The following CLEC19A variants were observed in gnomAD, a reference collection of about 807,000 sequenced individuals.
The protein encoded by CLEC19A is C-type lectin domain family 19 member A.
Under a neutral mutation model 26.1 loss-of-function variants are expected in CLEC19A, and 21 were observed. The observed-to-expected ratio is 0.80, with a 90% CI of 0.57 to 1.16. CLEC19A has a LOEUF of 1.16. CLEC19A is among the 50% of genes most tolerant of loss of function. The pLI is 0.00. For missense variants in CLEC19A, 224 were observed against 227.6 expected (o/e 0.98, Z 0.10); for synonymous variants, 89 against 88.6 (o/e 1.00, Z -0.03).
chr16:19,301,735 GGTTTTTTTTTTTT>G (rs1169446674), intron 2 of CLEC19A, among the ~76,000 whole-genome samples: 20 of 35,140 alleles, frequency 5.7e-4, no homozygotes, highest in African/African-American at 2.2e-3. Flanking sequence ...AGGTTTTTTT[GGTTTTTTTTTTTT>G]TTTTTTTTTT....
At chr16:19,304,987 C>A (rs1203230431) in intron 3 of CLEC19A, 1 of 152,364 alleles carries the variant, frequency 6.6e-6, no homozygotes, top group African/African-American at 2.4e-5. Context: ...TGCACCAGCA[C>A]CATTACCCCT....
intron 2 of CLEC19A, 180 bp from the exon 3 acceptor site, chr16:19,303,882 G>C: frequency 1.8e-6 from 1 of 557,206 alleles, no homozygotes; most frequent in Non-Finnish European, 3.2e-6. Flanking sequence ...GTCAAATCCA[G>C]AGATGCCCAT....
At chr16:19,292,182 G>T (rs179205) in intron 1 of CLEC19A, among the ~76,000 whole-genome samples, 10,427 of 152,074 alleles carry the variant, frequency 0.069, 489 homozygotes, top group East Asian at 0.27. Flanking sequence ...AATTCTACAG[G>T]CTCCATCTTT....
intron 1 of CLEC19A, among the ~76,000 whole-genome samples, chr16:19,291,744 G>T (rs1285327522): frequency 6.6e-6 from 1 of 152,226 alleles, no homozygotes; most frequent in Non-Finnish European, 1.5e-5. Flanking sequence ...AGGGGGAAAT[G>T]CCGTGCAGGC....
At position 19,309,732 on chromosome 16, in the gene CLEC19A, C is replaced by T. The variant is rs950814822; in HGVS notation, c.*649C>T. On this transcript the variant is annotated 3_prime_UTR_variant, in exon 5 of 5. Coordinates refer to ENST00000636231, the MANE Select transcript of CLEC19A (RefSeq NM_001256720.2). Reference sequence around the variant, plus strand: ...CCTCAACCTCCTGGGCTCAGGTGATCCTTCCACCTCCAGTCCCCAGAGTAG... The same window carrying T: ...CCTCAACCTCCTGGGCTCAGGTGATTCTTCCACCTCCAGTCCCCAGAGTAG... The T allele has an allele frequency of 6.6e-6, 1 of 152,030 alleles. No individual in the cohort carries two copies. Among genetic ancestry groups the T allele is most frequent in the Non-Finnish European group, 1.5e-5 (1 of 68,062 alleles). 9.4% of individuals were successfully genotyped at this position (152,030 alleles called of 1,614,324 possible). A position where few individuals can be genotyped will look rare whatever the true frequency, so the allele number is the denominator to read the frequency against.
In CLEC19A at chr16:19,310,468, C is replaced by A. The variant is rs1001612907; in HGVS notation, c.*1385C>A. ...CCTGGGTGACAGAGCAAGACCCTGTCTCAAAAAACAAAAACAAAAAAATGT... is the reference window on the plus strand; with the variant it reads ...CCTGGGTGACAGAGCAAGACCCTGTATCAAAAAACAAAAACAAAAAAATGT... On this transcript the variant is annotated 3_prime_UTR_variant, in exon 5 of 5. Transcript: ENST00000636231. 3.9e-5 allele frequency: 6 copies of A among 152,026 alleles called. No individual in the cohort carries two copies. The highest frequency in any genetic ancestry group is 7.3e-5 in the Non-Finnish European group (5 of 68,062). 9.4% of individuals were successfully genotyped at this position (152,026 alleles called of 1,614,324 possible).
At chr16:19,308,888 T>A in intron 4 of CLEC19A, 116 bp from the exon 5 acceptor site, 1 of 739,106 alleles carries the variant, frequency 1.4e-6, no homozygotes, top group Non-Finnish European at 2.3e-6. Context: ...AAGAAAGGGC[T>A]GCCAGCATAG....
chr16:19,288,969 C>G (rs1301987387), intron 1 of CLEC19A, among the ~76,000 whole-genome samples: 3 of 152,166 alleles, frequency 2.0e-5, no homozygotes, highest in African/African-American at 7.2e-5. Flanking sequence ...CAGACTGTTT[C>G]TACTGTAATA....
intron 1 of CLEC19A, 138 bp downstream of exon 1, chr16:19,286,077 C>A: frequency 1.3e-6 from 1 of 786,966 alleles, no homozygotes; most frequent in Non-Finnish European, 2.1e-6. Context: ...TTCCCCCTAC[C>A]AGCTTTGTCA....
intron 1 of CLEC19A, among the ~76,000 whole-genome samples, chr16:19,288,573 A>G (rs2143008394): frequency 6.6e-6 from 1 of 152,244 alleles, no homozygotes; most frequent in East Asian, 1.9e-4. Flanking sequence ...AGGAAAAAAA[A>G]CTTTTTAGAC....
chr16:19,293,405 G>A (rs1013777063), intron 1 of CLEC19A, among the ~76,000 whole-genome samples: 2 of 152,064 alleles, frequency 1.3e-5, no homozygotes, highest in African/African-American at 4.8e-5. Context: ...GAAACTGGGT[G>A]AACGGTATAC....
chr16:19,297,049 G>A (rs913341663), intron 1 of CLEC19A, among the ~76,000 whole-genome samples: 2 of 152,188 alleles, frequency 1.3e-5, no homozygotes, highest in African/African-American at 4.8e-5. Flanking sequence ...TTCTCAGCCT[G>A]CCTGTCTCCT....
intron 1 of CLEC19A, among the ~76,000 whole-genome samples, chr16:19,289,179 G>A (rs1391884752): frequency 3.3e-5 from 5 of 152,150 alleles, no homozygotes; most frequent in African/African-American, 1.2e-4. Flanking sequence ...CTACCTCCTA[G>A]AGCAGCCCGG....
intron 4 of CLEC19A, among the ~76,000 whole-genome samples, chr16:19,308,503 A>G (rs925197287): frequency 3.3e-5 from 5 of 152,228 alleles, no homozygotes; most frequent in African/African-American, 7.2e-5. Flanking sequence ...ATCATGAATC[A>G]TCACTTTCAC....
At position 19,310,145 on chromosome 16, in the gene CLEC19A, G is replaced by A. The variant is rs980251888; in HGVS notation, c.*1062G>A. The A allele has an allele frequency of 3.9e-5, 6 of 152,034 alleles. No homozygotes were observed. Among genetic ancestry groups the A allele is most frequent in the Non-Finnish European group, 7.3e-5 (5 of 68,032 alleles). 9.4% of individuals were successfully genotyped at this position (152,034 alleles called of 1,614,324 possible). On this transcript the variant is annotated 3_prime_UTR_variant, in exon 5 of 5. Transcript: ENST00000636231. ...GCCAGCAATTCCACTCCTAGATCTC[G>A]ACCTAAGAGAATCGGAAACAGGTAT...
chr16:19,298,611 G>A, intron 1 of CLEC19A, 62 bp from the exon 2 acceptor site: 1 of 1,481,516 alleles, frequency 6.7e-7, no homozygotes, highest in East Asian at 2.5e-5. Flanking sequence ...TAGGTTCTAA[G>A]CTATGGAAAC....
rs1897892935 is a variant in CLEC19A at position 19,304,066 on chromosome 16, G to A, written c.259G>A (p.Glu87Lys). The A allele has an allele frequency of 6.5e-7, 1 of 1,548,690 alleles. No homozygotes were observed. Among genetic ancestry groups the A allele is most frequent in the Non-Finnish European group, 8.7e-7 (1 of 1,145,566 alleles). The change falls in exon 3 of 5, where the codon GAG becomes AAG. Residue 87 changes from glutamate (E) to lysine (K), a missense_variant. Transcript: ENST00000636231. Reference sequence around the variant, plus strand: ...CTATTATTCTTAAATTCGCAGCTGGGAGGAGAATGTCTTTGTATATGACCT... The same window carrying A: ...CTATTATTCTTAAATTCGCAGCTGGAAGGAGAATGTCTTTGTATATGACCT... ...SAKLASIHSW[E>K]ENVFVYDLVN...
chr16:19,286,979 A>G (rs565536592), intron 1 of CLEC19A, among the ~76,000 whole-genome samples: 1 of 151,014 alleles, frequency 6.6e-6, no homozygotes, highest in African/African-American at 2.4e-5. Flanking sequence ...ACTAAAAATT[A>G]TCTGTTTGTT....
At chr16:19,303,421 G>A (rs2143010757) in intron 2 of CLEC19A, among the ~76,000 whole-genome samples, 1 of 152,088 alleles carries the variant, frequency 6.6e-6, no homozygotes, top group South Asian at 2.1e-4. Flanking sequence ...CTCTCACCAG[G>A]GTCCTCCACT....
Sources: gnomAD v4.1 joint callset for allele counts (sites outside exome capture counted in the v4.1 genomes callset) on GRCh38, gnomAD v4.1.1 for gene constraint, MANE v1.5 for transcripts, NCBI Gene and HGNC (gene_info 2026-07-23, HGNC 2026-07-21) for gene names.